Variants in SEMA6D observed in about 807,000 individuals in gnomAD.
The protein encoded by SEMA6D is semaphorin-6D.
In SEMA6D, 35 loss-of-function variants were observed where a neutral mutation model predicts 106.6. The ratio of observed to expected loss-of-function variants is 0.33; its 90% CI spans 0.25 to 0.44. The LOEUF (loss-of-function observed/expected upper bound fraction) is 0.44, where lower values mean the gene tolerates loss of function less well. Ranked by LOEUF, SEMA6D falls within the 20% of genes least tolerant of loss-of-function variation. The pLI is 1.00. For missense variants in SEMA6D, 1,185 were observed against 1,345.9 expected (o/e 0.88, Z 1.87); for synonymous variants, 499 against 487.7 (o/e 1.02, Z -0.31).
intron 1 of SEMA6D, among the ~76,000 whole-genome samples, chr15:47,350,692 T>G (rs920767392): frequency 2.0e-5 from 3 of 152,186 alleles, no homozygotes; most frequent in African/African-American, 7.2e-5. Context: ...TTAAAATGAT[T>G]GGATAACTAG....
chr15:47,305,683 C>T (rs563744709), intron 1 of SEMA6D, among the ~76,000 whole-genome samples: 1 of 152,198 alleles, frequency 6.6e-6, no homozygotes, highest in Non-Finnish European at 1.5e-5. Context: ...ATGTCCCTAT[C>T]TTGCCAATTG....
At chr15:47,571,600 T>G (rs1464099906) in intron 3 of SEMA6D, among the ~76,000 whole-genome samples, 1 of 152,240 alleles carries the variant, frequency 6.6e-6, no homozygotes, top group East Asian at 1.9e-4. Context: ...ATTTTGTGGC[T>G]GGGATGGTTT....
intron 3 of SEMA6D, among the ~76,000 whole-genome samples, chr15:47,599,510 C>T (rs2076602626): frequency 6.6e-6 from 1 of 151,534 alleles, no homozygotes; most frequent in Admixed American, 6.6e-5. Flanking sequence ...CCAGGGTTCA[C>T]TGTATAAACT....
At chr15:47,569,004 TC>T (rs1212590958) in intron 3 of SEMA6D, among the ~76,000 whole-genome samples, 1 of 152,180 alleles carries the variant, frequency 6.6e-6, no homozygotes, top group Non-Finnish European at 1.5e-5. Flanking sequence ...CTCCAAGGCC[TC>T]TGTGAAGCTT....
intron 1 of SEMA6D, among the ~76,000 whole-genome samples, chr15:47,384,821 T>TGTTTTTTTG (rs1198029884): frequency 1.3e-5 from 1 of 77,188 alleles, no homozygotes; most frequent in African/African-American, 8.1e-5. Flanking sequence ...AAAGTTTTTT[T>TGTTTTTTTG]TTTTTTTTTT....
Position 47,761,711 on chromosome 15 carries a change from C to T in SEMA6D, c.498C>T (p.Cys166=), listed in dbSNP as rs1210092183. ...DGEEISGLAR[C]PFDARQTNVA... ...AAGAAATTAGTGGCCTGGCAAGATGCCCATTTGATGCCAGACAAACCAATG... is the reference window on the plus strand; with the variant it reads ...AAGAAATTAGTGGCCTGGCAAGATGTCCATTTGATGCCAGACAAACCAATG... The change falls in exon 7 of 19, where the codon TGC becomes TGT. Residue 166 remains cysteine (C), a synonymous_variant. Coordinates refer to ENST00000536845, the MANE Select transcript of SEMA6D (RefSeq NM_001358351.3). The T allele has an allele frequency of 1.9e-6, 3 of 1,613,252 alleles. No individual in the cohort carries two copies. The highest frequency in any genetic ancestry group is 2.5e-6 in the Non-Finnish European group (3 of 1,179,578).
At position 47,207,841 on chromosome 15, in the gene SEMA6D, G is replaced by A. The variant is rs189471789; in HGVS notation, c.-239+23423G>A. Among the ~76,000 whole-genome samples, 29 of 152,186 alleles carry A rather than the reference G, an allele frequency of 1.9e-4. No homozygotes were observed. The East Asian group carries it at 4.3e-3, about 22-fold the overall frequency. On this transcript the variant is annotated intron_variant, in intron 1 of 19. Coordinates refer to the SEMA6D transcript ENST00000558014. Reference sequence around the variant, plus strand: ...CTACTTCATCTAGTACGAGATCAGAGTACCCTGGGGAGAGGACTAAGATGT... The same window carrying A: ...CTACTTCATCTAGTACGAGATCAGAATACCCTGGGGAGAGGACTAAGATGT...
intron 2 of SEMA6D, among the ~76,000 whole-genome samples, chr15:47,424,330 A>T (rs1448209754): frequency 6.6e-6 from 1 of 152,040 alleles, no homozygotes; most frequent in Non-Finnish European, 1.5e-5. Context: ...AAGATATTGC[A>T]TACATTTCAT....
intron 1 of SEMA6D, among the ~76,000 whole-genome samples, chr15:47,202,222 T>A (rs1285921017): frequency 6.6e-6 from 1 of 151,980 alleles, no homozygotes; most frequent in Non-Finnish European, 1.5e-5. Flanking sequence ...GTCGGGAAGT[T>A]GTTACACTGC....
At chr15:47,393,535 G>T (rs1567048278) in intron 1 of SEMA6D, 1 of 152,128 alleles carries the variant, frequency 6.6e-6, no homozygotes, top group African/African-American at 2.4e-5. Context: ...CTTCACAAAG[G>T]CCATGGCAGT....
intron 1 of SEMA6D, among the ~76,000 whole-genome samples, chr15:47,286,808 G>A (rs568394449): frequency 3.9e-5 from 6 of 152,054 alleles, no homozygotes; most frequent in South Asian, 2.1e-4. Flanking sequence ...TATCTTTTTT[G>A]TCATCTAAAC....
intron 1 of SEMA6D, among the ~76,000 whole-genome samples, chr15:47,336,722 A>G (rs1595759665): frequency 6.6e-6 from 1 of 152,144 alleles, no homozygotes; most frequent in African/African-American, 2.4e-5. Flanking sequence ...ATTTACAGGC[A>G]AGGAGACTCT....
intron 4 of SEMA6D, among the ~76,000 whole-genome samples, chr15:47,639,195 A>C (rs1384580966): frequency 6.6e-6 from 1 of 152,232 alleles, no homozygotes; most frequent in Non-Finnish European, 1.5e-5. Context: ...CATGTACAGC[A>C]TGAGCCTGGT....
intron 3 of SEMA6D, among the ~76,000 whole-genome samples, chr15:47,477,580 G>A (rs76175746): frequency 0.012 from 1,775 of 152,164 alleles, 36 homozygotes; most frequent in African/African-American, 0.041. Context: ...AAATAAATTT[G>A]GTGTATTTAA....
intron 1 of SEMA6D, among the ~76,000 whole-genome samples, chr15:47,747,049 G>C (rs1271723264): frequency 6.7e-6 from 1 of 149,856 alleles, no homozygotes; most frequent in East Asian, 2.0e-4. Flanking sequence ...CACAAAGCAA[G>C]TTATTATATT....
intron 1 of SEMA6D, among the ~76,000 whole-genome samples, chr15:47,725,928 C>A (rs1235136560): frequency 6.6e-6 from 1 of 152,166 alleles, no homozygotes; most frequent in African/African-American, 2.4e-5. Flanking sequence ...TGAAGAATCA[C>A]TGCCAATTAA....
At chr15:47,415,999 G>T (rs2040954474) in intron 2 of SEMA6D, among the ~76,000 whole-genome samples, 1 of 152,144 alleles carries the variant, frequency 6.6e-6, no homozygotes, top group South Asian at 2.1e-4. Context: ...TTTTCATCCA[G>T]AGTGCTAGAG....
At chr15:47,424,461 T>C (rs1162792188) in intron 2 of SEMA6D, among the ~76,000 whole-genome samples, 3 of 152,172 alleles carry the variant, frequency 2.0e-5, no homozygotes, top group Non-Finnish European at 4.4e-5. Flanking sequence ...ACATTTTGTC[T>C]ACCATAAGTG....
intron 4 of SEMA6D, among the ~76,000 whole-genome samples, chr15:47,644,212 T>A (rs1264379009): frequency 6.6e-6 from 1 of 152,158 alleles, no homozygotes; most frequent in Admixed American, 6.5e-5. Flanking sequence ...TCATGTAATT[T>A]AAAAAAATCA....
Sources: gnomAD v4.1 joint callset for allele counts (sites outside exome capture counted in the v4.1 genomes callset) on GRCh38, gnomAD v4.1.1 for gene constraint, MANE v1.5 for transcripts, NCBI Gene and HGNC (gene_info 2026-07-23, HGNC 2026-07-21) for gene names.